DEXI: variants seen among roughly 807,000 people sequenced by gnomAD.
DEXI encodes the protein Dexi homolog.
Under a neutral mutation model 2.5 loss-of-function variants are expected in DEXI, and 2 were observed. That is an observed-to-expected ratio of 0.81 (90% CI 0.33 to 2.55). The LOEUF (loss-of-function observed/expected upper bound fraction) is 2.55, where lower values mean the gene tolerates loss of function less well. Among genes scored for constraint, DEXI ranks in the 30% most tolerant of loss-of-function variants. The pLI, the probability that DEXI is intolerant of heterozygous loss-of-function variation, is 0.11. For synonymous variants in DEXI, 71 were observed against 68.7 expected (o/e 1.03, Z -0.17); for missense variants, 108 against 130.3 (o/e 0.83, Z 0.83).
chr16:10,933,728 G>A (rs1216276879), intron 1 of DEXI: 1 of 152,256 alleles, frequency 6.6e-6, no homozygotes, highest in African/African-American at 2.4e-5. Flanking sequence ...GAAAGCAGCA[G>A]CACTTTTCCT....
chr16:10,935,443 T>C (rs1028948529), intron 1 of DEXI: 23 of 152,226 alleles, frequency 1.5e-4, no homozygotes, highest in African/African-American at 5.1e-4. Flanking sequence ...CAAAAGTTAA[T>C]GACTTTGGCA....
At chr16:10,930,600 A>G (rs2145313838) in intron 1 of DEXI, 2 of 152,378 alleles carry the variant, frequency 1.3e-5, no homozygotes, top group East Asian at 3.9e-4. Context: ...AAAGATGCAC[A>G]GCTATGAGAG....
chr16:10,933,731 C>T (rs1318163666), intron 1 of DEXI: 6 of 152,386 alleles, frequency 3.9e-5, no homozygotes, highest in African/African-American at 1.4e-4. Flanking sequence ...AGCAGCAGCA[C>T]TTTTCCTCCT....
In DEXI at chr16:10,941,678, T is replaced by C; in HGVS notation, c.*40A>G. On this transcript the variant is annotated 3_prime_UTR_variant, in exon 1 of 2. Transcript: ENST00000331808. The surrounding 1 kb of genome is among the most constrained non-coding windows in gnomAD (Gnocchi z 6.4). ...TGGGCGGCTGGTCCAGGGCATGGGT[T>C]GCGGATCGTGTAGGGAAGAGGGGAA... is the stretch of plus-strand genomic sequence containing the variant. 1.9e-6 allele frequency: 3 copies of C among 1,567,032 alleles called. No individual in the cohort carries two copies. Among genetic ancestry groups the C allele is most frequent in the Non-Finnish European group, 1.7e-6 (2 of 1,153,890 alleles).
Position 10,941,615 on chromosome 16 carries a change from T to A in DEXI, c.*103A>T. 2 of 1,509,040 alleles carry A rather than the reference T, an allele frequency of 1.3e-6. No homozygotes were observed. The highest frequency in any genetic ancestry group is 1.4e-5 in the African/African-American group (1 of 72,220). The allele number at this position is 1,509,040 out of a possible 1,614,324, so 93.5% of individuals were successfully genotyped here. A position where few individuals can be genotyped will look rare whatever the true frequency, so the allele number is the denominator to read the frequency against. On this transcript the variant is annotated 3_prime_UTR_variant, in exon 1 of 2. Transcript: ENST00000331808. The surrounding 1 kb of genome is among the most constrained non-coding windows in gnomAD (Gnocchi z 6.4). ...GTCTCCTCCTGGGGAACCATCCCCG[T>A]CCAGATGGTGCCCCCAACCAGCTGC...
Position 10,940,111 on chromosome 16 carries a change from C to T in DEXI, c.*149+1458G>A, listed in dbSNP as rs990783663. 6.6e-6 allele frequency: 1 copy of T among 152,232 alleles called. No individual in the cohort carries two copies. Among genetic ancestry groups the T allele is most frequent in the African/African-American group, 2.4e-5 (1 of 41,452 alleles). The allele number at this position is 152,232 out of a possible 1,614,324, so 9.4% of individuals were successfully genotyped here. A position where few individuals can be genotyped will look rare whatever the true frequency, so the allele number is the denominator to read the frequency against. On this transcript the variant is annotated intron_variant, in intron 1 of 1. Coordinates refer to ENST00000331808, the MANE Select transcript of DEXI (RefSeq NM_014015.4). This position sits in a 1 kb window ranked among gnomAD's most constrained non-coding sequence, Gnocchi z 4.2. ...TCACTGTGAACCCATTAGGAGAGCC[C>T]TCTGCCGCCAGCTATGCTGTCAGTA...
rs1014814791 is a variant in DEXI, at chr16:10,939,786, T to C, written c.*149+1783A>G. 2 of 152,294 alleles carry C rather than the reference T, an allele frequency of 1.3e-5. No individual in the cohort carries two copies. The highest frequency in any genetic ancestry group is 2.9e-5 in the Non-Finnish European group (2 of 68,072). The allele number at this position is 152,294 out of a possible 1,614,324, so 9.4% of individuals were successfully genotyped here. ...GCAGTGAACACAACAGGGAAGCTCA[T>C]GTCCTTCTTGCCTGCCTTCATAGTT... On this transcript the variant is annotated intron_variant, in intron 1 of 1. Transcript: ENST00000331808. This position sits in a 1 kb window ranked among gnomAD's most constrained non-coding sequence, Gnocchi z 4.9.
Position 10,937,169 on chromosome 16 carries a change from G to A in DEXI, c.*149+4400C>T, listed in dbSNP as rs1434209875. Reference sequence around the variant, plus strand: ...GTACCCTATGGCCAAGGACCTTCTGGGTGAGCCTCATGTCAGGAGCAGAGC... The same window carrying A: ...GTACCCTATGGCCAAGGACCTTCTGAGTGAGCCTCATGTCAGGAGCAGAGC... On this transcript the variant is annotated intron_variant, in intron 1 of 1. Coordinates refer to ENST00000331808, the MANE Select transcript of DEXI (RefSeq NM_014015.4). The surrounding 1 kb of genome is among the most constrained non-coding windows in gnomAD (Gnocchi z 4.2). The A allele has an allele frequency of 1.3e-5, 2 of 152,278 alleles. No homozygotes were observed. Among genetic ancestry groups the A allele is most frequent in the East Asian group, 3.8e-4 (2 of 5,196 alleles). The allele number at this position is 152,278 out of a possible 1,614,324, so 9.4% of individuals were successfully genotyped here.
At position 10,942,317 on chromosome 16, in the gene DEXI, G is replaced by A. The variant is rs1029845376; in HGVS notation, c.-312C>T. ...CCTGGCGCTCGCAGGGCCTCGCAGA[G>A]CCGGTGGGGATCCCACCGCGGCTCA... On this transcript the variant is annotated 5_prime_UTR_variant, in exon 1 of 2. Coordinates refer to ENST00000331808, the MANE Select transcript of DEXI (RefSeq NM_014015.4). This position sits in a 1 kb window ranked among gnomAD's most constrained non-coding sequence, Gnocchi z 5.0. The A allele has an allele frequency of 5.8e-5, 16 of 275,888 alleles. No individual in the cohort carries two copies. Among genetic ancestry groups the A allele is most frequent in the Non-Finnish European group, 8.9e-5 (13 of 145,254 alleles). The allele number at this position is 275,888 out of a possible 1,614,324, so 17.1% of individuals were successfully genotyped here. A position where few individuals can be genotyped will look rare whatever the true frequency, so the allele number is the denominator to read the frequency against.
rs912146252 is a variant in DEXI at position 10,929,894 on chromosome 16, G to C, written c.*150-335C>G. On this transcript the variant is annotated intron_variant, in intron 1 of 1. Coordinates refer to ENST00000331808, the MANE Select transcript of DEXI (RefSeq NM_014015.4). The surrounding 1 kb of genome is among the most constrained non-coding windows in gnomAD (Gnocchi z 4.3). Reference sequence around the variant, plus strand: ...GTGCAGCCTGCTCAGGAGTCACCCAGGGTCTGAGGGCTGACTTGCAGCTCT... The same window carrying C: ...GTGCAGCCTGCTCAGGAGTCACCCACGGTCTGAGGGCTGACTTGCAGCTCT... The C allele has an allele frequency of 1.3e-5, 2 of 152,374 alleles. No individual in the cohort carries two copies. Among genetic ancestry groups the C allele is most frequent in the African/African-American group, 4.8e-5 (2 of 41,454 alleles). 9.4% of individuals were successfully genotyped at this position (152,374 alleles called of 1,614,324 possible).
At position 10,934,596 on chromosome 16, in the gene DEXI, C is replaced by T. The variant is rs1395372873; in HGVS notation, c.*150-5037G>A. The T allele has an allele frequency of 2.0e-5, 3 of 152,260 alleles. No individual in the cohort carries two copies. The highest frequency in any genetic ancestry group is 7.2e-5 in the African/African-American group (3 of 41,460). The allele number at this position is 152,260 out of a possible 1,614,324, so 9.4% of individuals were successfully genotyped here. ...ATGCTGCCACCTCATAGATGGGTAT[C>T]TGAGATGAGTCATCGAACTTCTGCA... is the stretch of plus-strand genomic sequence containing the variant. On this transcript the variant is annotated intron_variant, in intron 1 of 1. Coordinates refer to ENST00000331808, the MANE Select transcript of DEXI (RefSeq NM_014015.4). The surrounding 1 kb of genome is among the most constrained non-coding windows in gnomAD (Gnocchi z 4.2).
rs1216772915 is a variant in DEXI, at chr16:10,937,458, C to A, written c.*149+4111G>T. ...AAGGAGGGACCAGGTTAGGAAGGAG[C>A]AGCTGTGGTTCCTAGTTGGGAGATA... On this transcript the variant is annotated intron_variant, in intron 1 of 1. Transcript: ENST00000331808. This position sits in a 1 kb window ranked among gnomAD's most constrained non-coding sequence, Gnocchi z 4.2. 6.6e-6 allele frequency: 1 copy of A among 152,414 alleles called. No homozygotes were observed. The highest frequency in any genetic ancestry group is 1.5e-5 in the Non-Finnish European group (1 of 68,212). The allele number at this position is 152,414 out of a possible 1,614,324, so 9.4% of individuals were successfully genotyped here. A position where few individuals can be genotyped will look rare whatever the true frequency, so the allele number is the denominator to read the frequency against.
chr16:10,937,059 C>G lies in DEXI; in HGVS notation c.*149+4510G>C, dbSNP rs2041038512. ...AATCTCCAGTTTGTATAATTCAGGG[C>G]TAAGAGAGCAGGACTCTTGACATCT... On this transcript the variant is annotated intron_variant, in intron 1 of 1. Transcript: ENST00000331808. The surrounding 1 kb of genome is among the most constrained non-coding windows in gnomAD (Gnocchi z 4.2). 1 of 152,196 alleles carries G rather than the reference C, an allele frequency of 6.6e-6. No individual in the cohort carries two copies. The highest frequency in any genetic ancestry group is 2.1e-4 in the South Asian group (1 of 4,834). 9.4% of individuals were successfully genotyped at this position (152,196 alleles called of 1,614,324 possible).
In DEXI at chr16:10,939,375, C is replaced by T. The variant is rs930576885; in HGVS notation, c.*149+2194G>A. The T allele has an allele frequency of 6.6e-6, 1 of 152,292 alleles. No individual in the cohort carries two copies. Among genetic ancestry groups the T allele is most frequent in the Admixed American group, 6.5e-5 (1 of 15,288 alleles). 9.4% of individuals were successfully genotyped at this position (152,292 alleles called of 1,614,324 possible). On this transcript the variant is annotated intron_variant, in intron 1 of 1. Transcript: ENST00000331808. The surrounding 1 kb of genome is among the most constrained non-coding windows in gnomAD (Gnocchi z 4.9). ...GGAATGGGATTGTGTCATCTCCTGC[C>T]TAGAACCTTCCAATGGCTTTCCACT...
In DEXI at chr16:10,928,935, C is replaced by G. The variant is rs1475940316; in HGVS notation, c.*774G>C. On this transcript the variant is annotated 3_prime_UTR_variant, in exon 2 of 2. Coordinates refer to ENST00000331808, the MANE Select transcript of DEXI (RefSeq NM_014015.4). ...TTTTTAATCCAAAGAAGTAAGCCTC[C>G]TAAGTATTGCTTAGACAGGTTTATC... 6.5e-6 allele frequency: 1 copy of G among 152,822 alleles called. No homozygotes were observed. Among genetic ancestry groups the G allele is most frequent in the African/African-American group, 2.4e-5 (1 of 41,412 alleles). The allele number at this position is 152,822 out of a possible 1,614,324, so 9.5% of individuals were successfully genotyped here.
rs1209446011 is a variant in DEXI, at chr16:10,934,887, T to C, written c.*150-5328A>G. Reference sequence around the variant, plus strand: ...CCAATTATCACCGCCCTTGGGCTACTTCAAAGGCTGCCCACACAGACACAC... The same window carrying C: ...CCAATTATCACCGCCCTTGGGCTACCTCAAAGGCTGCCCACACAGACACAC... On this transcript the variant is annotated intron_variant, in intron 1 of 1. Coordinates refer to ENST00000331808, the MANE Select transcript of DEXI (RefSeq NM_014015.4). The surrounding 1 kb of genome is among the most constrained non-coding windows in gnomAD (Gnocchi z 4.2). The C allele has an allele frequency of 2.0e-5, 3 of 152,208 alleles. No individual in the cohort carries two copies. The highest frequency in any genetic ancestry group is 6.5e-5 in the Admixed American group (1 of 15,288). The allele number at this position is 152,208 out of a possible 1,614,324, so 9.4% of individuals were successfully genotyped here. A position where few individuals can be genotyped will look rare whatever the true frequency, so the allele number is the denominator to read the frequency against.
rs1242670098 is a variant in DEXI at position 10,940,962 on chromosome 16, A to G, written c.*149+607T>C. 1 of 152,230 alleles carries G rather than the reference A, an allele frequency of 6.6e-6. No homozygotes were observed. The highest frequency in any genetic ancestry group is 1.9e-4 in the East Asian group (1 of 5,202). The allele number at this position is 152,230 out of a possible 1,614,324, so 9.4% of individuals were successfully genotyped here. ...GGCAGCCCCTGCAGTTCTGAGCTGC[A>G]GAACTGATGAGCTGGGGCACCCTGA... On this transcript the variant is annotated intron_variant, in intron 1 of 1. Coordinates refer to ENST00000331808, the MANE Select transcript of DEXI (RefSeq NM_014015.4). This position sits in a 1 kb window ranked among gnomAD's most constrained non-coding sequence, Gnocchi z 4.2.
At chr16:10,931,550 G>A (rs1017926854) in intron 1 of DEXI, 2 of 152,146 alleles carry the variant, frequency 1.3e-5, no homozygotes, top group Non-Finnish European at 2.9e-5. Flanking sequence ...ATTTCTGGTA[G>A]TAATATAGTT....
chr16:10,941,626 C>G lies in DEXI; in HGVS notation c.*92G>C. ...GGGAACCATCCCCGTCCAGATGGTG[C>G]CCCCAACCAGCTGCGGCGGCATGAT... On this transcript the variant is annotated 3_prime_UTR_variant, in exon 1 of 2. Transcript: ENST00000331808. This position sits in a 1 kb window ranked among gnomAD's most constrained non-coding sequence, Gnocchi z 6.4. The G allele has an allele frequency of 6.6e-7, 1 of 1,518,552 alleles. No homozygotes were observed. 94.1% of individuals were successfully genotyped at this position (1,518,552 alleles called of 1,614,324 possible). A position where few individuals can be genotyped will look rare whatever the true frequency, so the allele number is the denominator to read the frequency against.
Sources: allele counts gnomAD v4.1 joint callset, GRCh38; gene constraint gnomAD v4.1.1; non-coding constraint Gnocchi (gnomAD v3.1); transcripts MANE v1.5; gene names NCBI Gene and HGNC (gene_info 2026-07-23, HGNC 2026-07-21).